The following DNMT3A variants were observed in gnomAD, a reference collection of about 807,000 sequenced individuals.
The protein encoded by DNMT3A is DNA (cytosine-5)-methyltransferase 3A.
DNMT3A carries 267 observed loss-of-function variants against 117.6 expected under a neutral mutation model. The ratio of observed to expected loss-of-function variants is 2.27; its 90% CI spans 2.05 to 2.51. The LOEUF is 2.51. Ranked by LOEUF, DNMT3A falls within the 30% of genes most tolerant of loss-of-function variation. The pLI, the probability that DNMT3A is intolerant of heterozygous loss-of-function variation, is 0.00. For synonymous variants in DNMT3A, 432 were observed against 474.8 expected (o/e 0.91, Z 1.17); for missense variants, 1,029 against 1,260.2 (o/e 0.82, Z 2.78).
At chr2:25,333,845 C>A (rs1558749446) in intron 1 of DNMT3A, among the ~76,000 whole-genome samples, 3 of 152,172 alleles carry the variant, frequency 2.0e-5, no homozygotes, top group Non-Finnish European at 4.4e-5. Context: ...TATTCTTATC[C>A]CCGATTTACA....
At chr2:25,330,867 AC>A (rs2034991538) in intron 1 of DNMT3A, among the ~76,000 whole-genome samples, 1 of 152,258 alleles carries the variant, frequency 6.6e-6, no homozygotes, top group South Asian at 2.1e-4. Context: ...CTCTTCAAAT[AC>A]ACTGGGTGAA....
chr2:25,321,214 T>A (rs1203668614), intron 1 of DNMT3A, among the ~76,000 whole-genome samples: 2 of 152,152 alleles, frequency 1.3e-5, no homozygotes, highest in African/African-American at 4.8e-5. Flanking sequence ...AAACTCAAGA[T>A]GTTGGCAGGG....
At chr2:25,276,667 C>T (rs555527450) in intron 4 of DNMT3A, among the ~76,000 whole-genome samples, 20 of 152,336 alleles carry the variant, frequency 1.3e-4, no homozygotes, top group African/African-American at 4.8e-4. Flanking sequence ...GCTGATTCTG[C>T]CTCCCATAGC....
rs1674468296 is a variant in DNMT3A, at chr2:25,244,350, C to A, written c.1668-12G>T. On this transcript the variant is annotated splice_polypyrimidine_tract_variant and intron_variant, in intron 14 of 22. Coordinates refer to ENST00000321117, the MANE Select transcript of DNMT3A (RefSeq NM_022552.5). The stretch of plus-strand genomic sequence containing the variant: ...CCACGCAAAAGCACCTGGAAGGAGA[C>A]CCAGTGAGCAGAGGAGACTCTCAGC... The A allele has an allele frequency of 2.5e-6, 4 of 1,594,770 alleles. No individual in the cohort carries two copies. The African/African-American group carries it at 4.0e-5, about 16-fold the overall frequency.
In DNMT3A at chr2:25,341,860, G is replaced by A. The variant is rs1451910520; in HGVS notation, c.-212C>T. On this transcript the variant is annotated 5_prime_UTR_variant, in exon 1 of 23. Transcript: ENST00000321117. ...GGTGGGGTCGGGCCGGCCCGGCTGC[G>A]CGCCCTGGTGCCGCGGCGCCGCGTC... is the stretch of plus-strand genomic sequence containing the variant. The A allele has an allele frequency of 3.2e-5, 31 of 979,610 alleles. 1 individual carries two copies. The South Asian group carries it at 1.1e-3, about 34-fold the overall frequency. 60.7% of individuals were successfully genotyped at this position (979,610 alleles called of 1,614,324 possible). A position where few individuals can be genotyped will look rare whatever the true frequency, so the allele number is the denominator to read the frequency against.
chr2:25,286,394 G>A lies in DNMT3A; in HGVS notation c.178-3683C>T, dbSNP rs1256753292. On this transcript the variant is annotated intron_variant, in intron 3 of 22. Transcript: ENST00000321117. The surrounding 1 kb of genome is among the most constrained non-coding windows in gnomAD (Gnocchi z 4.3). ...TGCTGGGCAGATGATGGGCGAGCGG[G>A]GCATGTTGCACATTTCCAGCCCCGG... 6.6e-6 allele frequency among the ~76,000 whole-genome samples: 1 copy of A among 152,196 alleles called. No homozygotes were observed. Among genetic ancestry groups the A allele is most frequent in the East Asian group, 1.9e-4 (1 of 5,202 alleles).
At chr2:25,238,585 C>T (rs537548920) in intron 20 of DNMT3A, among the ~76,000 whole-genome samples, 1 of 152,348 alleles carries the variant, frequency 6.6e-6, no homozygotes, top group East Asian at 1.9e-4. Context: ...GAATTTTCTT[C>T]ATTCCTAGAT....
chr2:25,297,249 C>T (rs1053539453), intron 3 of DNMT3A, among the ~76,000 whole-genome samples: 3 of 152,182 alleles, frequency 2.0e-5, no homozygotes, highest in Non-Finnish European at 4.4e-5. Context: ...GCTTTCCCAA[C>T]AGCTGACTTC....
rs1675667732 is a variant in DNMT3A at position 25,252,274 on chromosome 2, C to T, written c.640-4022G>A. 2.4e-6 allele frequency: 2 copies of T among 828,144 alleles called. No homozygotes were observed. The highest frequency in any genetic ancestry group is 3.7e-5 in the Admixed American group (1 of 26,960). The allele number at this position is 828,144 out of a possible 1,614,324, so 51.3% of individuals were successfully genotyped here. A position where few individuals can be genotyped will look rare whatever the true frequency, so the allele number is the denominator to read the frequency against. On this transcript the variant is annotated intron_variant, in intron 6 of 22. Transcript: ENST00000321117. This position sits in a 1 kb window ranked among gnomAD's most constrained non-coding sequence, Gnocchi z 5.5. ...TGAAGCTCTGGAAGTAGCTGCCCGT[C>T]TTGGGGGAGGGGAAGGGGGCGATGG...
chr2:25,340,496 G>A (rs2035376442), intron 1 of DNMT3A, among the ~76,000 whole-genome samples: 1 of 151,888 alleles, frequency 6.6e-6, no homozygotes, highest in African/African-American at 2.4e-5. Context: ...CTGGACCCGC[G>A]CCAGCCCGGT....
chr2:25,248,487 A>C (rs1302218043), intron 6 of DNMT3A, among the ~76,000 whole-genome samples: 1 of 152,050 alleles, frequency 6.6e-6, no homozygotes, highest in African/African-American at 2.4e-5. Flanking sequence ...TTCCTCCCAG[A>C]TCTAATCTTC....
In DNMT3A at chr2:25,243,965, G is replaced by GTT; in HGVS notation, c.1868_1869insAA (p.Tyr623Ter). 1 of 1,553,592 alleles carries GTT rather than the reference G, an allele frequency of 6.4e-7. No homozygotes were observed. Among genetic ancestry groups the GTT allele is most frequent in the Non-Finnish European group, 8.7e-7 (1 of 1,147,966 alleles). ...TCCTCTTCTCAGCTGGGACAGGTGG[G>GTT]TAAACCTTTGGAGGGTCCTAAGCAG... ...HDQEFDPPKV[Y>*]PPVPAEKRKP... Residue 623 changes from tyrosine to a stop codon, truncating the protein, a stop_gained and frameshift_variant, in exon 16 of 23, where the codon TAC becomes TAAAC. Transcript: ENST00000321117. LOFTEE classifies it high-confidence loss of function.
Position 25,234,371 on chromosome 2 carries a change from A to G in DNMT3A, c.2647T>C (p.Leu883=), listed in dbSNP as rs1673098777. Residue 883 remains leucine (L), a synonymous_variant, in exon 23 of 23, where the codon TTG becomes CTG. Transcript: ENST00000321117. This position sits in a 1 kb window ranked among gnomAD's most constrained non-coding sequence, Gnocchi z 4.5. ...HYTDVSNMSR[L]ARQRLLGRSW... The stretch of plus-strand genomic sequence containing the variant: ...CGGCCCAGCAGTCTCTGCCTCGCCA[A>G]GCGGCTCATGTTGGAGACGTCAGTA... 2 of 1,614,122 alleles carry G rather than the reference A, an allele frequency of 1.2e-6. No homozygotes were observed. The highest frequency in any genetic ancestry group is 1.7e-5 in the Admixed American group (1 of 60,016).
At chr2:25,261,619 A>C (rs867739273) in intron 6 of DNMT3A, among the ~76,000 whole-genome samples, 1 of 151,792 alleles carries the variant, frequency 6.6e-6, no homozygotes, top group African/African-American at 2.4e-5. Flanking sequence ...AAAAAAAAAA[A>C]AACCATAAAT....
intron 1 of DNMT3A, chr2:25,328,544 G>T: frequency 2.3e-6 from 1 of 438,008 alleles, no homozygotes; most frequent in Non-Finnish European, 4.9e-6. Context: ...TTCTCAAAGA[G>T]ACGAGGTCAG....
In DNMT3A at chr2:25,246,108, T is replaced by C. The variant is rs376039988; in HGVS notation, c.1430-44A>G. The C allele has an allele frequency of 5.0e-6, 8 of 1,614,028 alleles. No individual in the cohort carries two copies. The African/African-American group carries it at 1.1e-4, about 22-fold the overall frequency. ...TGGCGTCAGAGGAGGCCGCGCCTGC[T>C]CCTCGGATGCAGGCCTCCTGGTGCC... is the stretch of plus-strand genomic sequence containing the variant. On this transcript the variant is annotated intron_variant, in intron 11 of 22. Transcript: ENST00000321117.
rs774624265 is a variant in DNMT3A at position 25,248,064 on chromosome 2, T to C, written c.828A>G (p.Lys276=). 1 of 1,612,608 alleles carries C rather than the reference T, an allele frequency of 6.2e-7. No homozygotes were observed. Among genetic ancestry groups the C allele is most frequent in the South Asian group, 1.1e-5 (1 of 91,000 alleles). Reference sequence around the variant, plus strand: ...CGTACTCTGGCTCGTCATCGCCTGCTTTGGTGGCATTCTTGTCCCCAGCAT... The same window carrying C: ...CGTACTCTGGCTCGTCATCGCCTGCCTTGGTGGCATTCTTGTCCCCAGCAT... The part of the protein sequence containing the change: ...GSDAGDKNAT[K]AGDDEPEYED... The change falls in exon 7 of 23, where the codon AAA becomes AAG. Residue 276 remains lysine (K), a synonymous_variant. Coordinates refer to ENST00000321117, the MANE Select transcript of DNMT3A (RefSeq NM_022552.5).
intron 12 of DNMT3A, 115 bp from the exon 13 acceptor site, chr2:25,245,447 G>GA: frequency 7.6e-6 from 7 of 918,812 alleles, no homozygotes; most frequent in East Asian, 2.5e-5. Context: ...GCGGCAGCCA[G>GA]AAAAGAGTCC....
intron 1 of DNMT3A, among the ~76,000 whole-genome samples, chr2:25,331,929 C>T (rs967054594): frequency 6.7e-6 from 1 of 149,896 alleles, no homozygotes; most frequent in Non-Finnish European, 1.5e-5. Flanking sequence ...CCATGAAGGG[C>T]ATCCCCACCC....
Sources: gnomAD v4.1 joint callset for allele counts (sites outside exome capture counted in the v4.1 genomes callset) on GRCh38, gnomAD v4.1.1 for gene constraint, Gnocchi (gnomAD v3.1) non-coding constraint, MANE v1.5 for transcripts, NCBI Gene and HGNC (gene_info 2026-07-23, HGNC 2026-07-21) for gene names.